Variants in ABCA7 observed in about 807,000 individuals in gnomAD.
ABCA7 encodes the protein ATP binding cassette subfamily A member 7, also known as phospholipid-transporting ATPase ABCA7.
ABCA7 carries 261 observed loss-of-function variants against 227.6 expected under a neutral mutation model. That is an observed-to-expected ratio of 1.15 (90% CI 1.04 to 1.27). The LOEUF (loss-of-function observed/expected upper bound fraction) is 1.27, where lower values mean the gene tolerates loss of function less well. Ranked by LOEUF, ABCA7 falls within the 50% of genes most tolerant of loss-of-function variation. The pLI is 0.00. For missense variants in ABCA7, 3,331 were observed against 2,924.5 expected (o/e 1.14, Z -3.21); for synonymous variants, 1,488 against 1,279.7 (o/e 1.16, Z -3.47).
Position 1,057,073 on chromosome 19 carries a change from C to T in ABCA7, c.4753C>T (p.Leu1585Phe), listed in dbSNP as rs1205099987. ...CACCCTCTACTGGCTTGGCAACTTT[C>T]TCTGGGACATGGTGCGGGGGCTGCT... Reference protein sequence around the residue: ...SPTLYWLGNFLWDMCNYLVPA... With the variant: ...SPTLYWLGNFFWDMCNYLVPA... The change falls in exon 34 of 47, where the codon CTC becomes TTC. Residue 1585 changes from leucine (L) to phenylalanine (F), a missense_variant. Physicochemically the swap from Leu to Phe is conservative, Grantham distance 22. Coordinates refer to ENST00000263094, the MANE Select transcript of ABCA7 (RefSeq NM_019112.4). 1 of 1,612,724 alleles carries T rather than the reference C, an allele frequency of 6.2e-7. No individual in the cohort carries two copies. Among genetic ancestry groups the T allele is most frequent in the Non-Finnish European group, 8.5e-7 (1 of 1,179,640 alleles).
intron 21 of ABCA7, 71 bp from the exon 22 acceptor site, chr19:1,051,871 T>C: frequency 6.4e-7 from 1 of 1,568,232 alleles, no homozygotes; most frequent in South Asian, 1.2e-5. Context: ...AGACAACTCC[T>C]GGCAGAGGCC....
In ABCA7 at chr19:1,056,579, C is replaced by A; in HGVS notation, c.4586+80C>A. 1 of 1,479,062 alleles carries A rather than the reference C, an allele frequency of 6.8e-7. No homozygotes were observed. The highest frequency in any genetic ancestry group is 9.1e-7 in the Non-Finnish European group (1 of 1,097,492). The allele number at this position is 1,479,062 out of a possible 1,614,324, so 91.6% of individuals were successfully genotyped here. A position where few individuals can be genotyped will look rare whatever the true frequency, so the allele number is the denominator to read the frequency against. ...TCTCTGTCGTTTGGGGTGGTGGGAG[C>A]TGGATTTGAACCCTGACACACTCTT... On this transcript the variant is annotated intron_variant, in intron 33 of 46. Transcript: ENST00000263094. This position sits in a 1 kb window ranked among gnomAD's most constrained non-coding sequence, Gnocchi z 4.3.
rs1435920612 is a variant in ABCA7 at position 1,046,845 on chromosome 19, C to T, written c.1666C>T (p.Leu556=). The change falls in exon 14 of 47, where the codon CTG becomes TTG. Residue 556 remains leucine, a synonymous_variant. Coordinates refer to ENST00000263094, the MANE Select transcript of ABCA7 (RefSeq NM_019112.4). ...CCGGTCGCTGCCGCTCTTCCTGACG[C>T]TGGCCTGGATCTACTCCGTGACACT... The part of the protein sequence containing the change: ...LSRSLPLFLT[L]AWIYSVTLTV... 1 of 1,541,754 alleles carries T rather than the reference C, an allele frequency of 6.5e-7. No individual in the cohort carries two copies. The highest frequency in any genetic ancestry group is 2.0e-5 in the Admixed American group (1 of 51,126).
chr19:1,058,449 T>G (rs565414200), intron 37 of ABCA7, among the ~76,000 whole-genome samples, 169 bp from the exon 38 acceptor site: 3 of 152,176 alleles, frequency 2.0e-5, no homozygotes, highest in African/African-American at 7.2e-5. Flanking sequence ...AGCTAATTCT[T>G]AGATTACATC....
rs1357174220 is a variant in ABCA7, at chr19:1,063,877, T to C, written c.5951+14T>C. The C allele has an allele frequency of 7.9e-6, 12 of 1,521,238 alleles. No individual in the cohort carries two copies. The African/African-American group carries it at 1.4e-4, about 17-fold the overall frequency. The allele number at this position is 1,521,238 out of a possible 1,614,324, so 94.2% of individuals were successfully genotyped here. A position where few individuals can be genotyped will look rare whatever the true frequency, so the allele number is the denominator to read the frequency against. The stretch of plus-strand genomic sequence containing the variant: ...CACCTCCCATAGGTGGGCCGGGCTC[T>C]GATGCCCTGGGCTGTGGTTAAGGTG... On this transcript the variant is annotated intron_variant, in intron 44 of 46. Coordinates refer to ENST00000263094, the MANE Select transcript of ABCA7 (RefSeq NM_019112.4).
intron 7 of ABCA7, 62 bp from the exon 8 acceptor site, chr19:1,042,979 C>G (rs2040212011): frequency 6.5e-7 from 1 of 1,541,426 alleles, no homozygotes; most frequent in Non-Finnish European, 8.8e-7. Flanking sequence ...GCCCAGTGCC[C>G]TGCCCTGGTT....
chr19:1,059,614 A>G lies in ABCA7; in HGVS notation c.5463+529A>G, dbSNP rs560408640. On this transcript the variant is annotated intron_variant, in intron 40 of 46. Coordinates refer to ENST00000263094, the MANE Select transcript of ABCA7 (RefSeq NM_019112.4). ...AGTCTCACTCTGTCGCCCAGGCTGGAGTGCAGTGGTGAGATCTCGGCTCAC... is the reference window on the plus strand; with the variant it reads ...AGTCTCACTCTGTCGCCCAGGCTGGGGTGCAGTGGTGAGATCTCGGCTCAC... 2.7e-5 allele frequency among the ~76,000 whole-genome samples: 4 copies of G among 147,386 alleles called. No individual in the cohort carries two copies. The East Asian group carries it at 8.0e-4, about 29-fold the overall frequency.
In ABCA7 at chr19:1,041,326, C is replaced by G; in HGVS notation, c.-36C>G. ...GCACGTCTTCAGCCCGACCGTTGTC[C>G]TGACCTCTCTGTCCCGTCCCCTGCC... On this transcript the variant is annotated 5_prime_UTR_variant, in exon 2 of 47. Transcript: ENST00000263094. 1.2e-6 allele frequency: 2 copies of G among 1,611,528 alleles called. No homozygotes were observed. Among genetic ancestry groups the G allele is most frequent in the Non-Finnish European group, 1.7e-6 (2 of 1,178,060 alleles).
At chr19:1,044,453 G>A (rs1599566106) in intron 10 of ABCA7, 124 bp from the exon 11 acceptor site, 4 of 1,125,116 alleles carry the variant, frequency 3.6e-6, no homozygotes, top group Non-Finnish European at 4.9e-6. Context: ...TCACCATGTT[G>A]GCCAGGCTGG....
Position 1,064,184 on chromosome 19 carries a change from G to T in ABCA7, c.5975G>T (p.Cys1992Phe), listed in dbSNP as rs763488113. Residue 1992 changes from cysteine (C) to phenylalanine (F), a missense_variant, in exon 45 of 47, where the codon TGC becomes TTC. Physicochemically the swap from Cys to Phe is radical, Grantham distance 205. Coordinates refer to ENST00000263094, the MANE Select transcript of ABCA7 (RefSeq NM_019112.4). Reference protein sequence around the residue: ...SHSMEECEALCSRLAIMVNGR... With the variant: ...SHSMEECEALFSRLAIMVNGR... ...AGCATGGAGGAGTGTGAAGCGCTCT[G>T]CTCGCGCCTGGCCATCATGGTGAAT... 9.4e-5 allele frequency: 149 copies of T among 1,578,108 alleles called. No homozygotes were observed. Among genetic ancestry groups the T allele is most frequent in the Non-Finnish European group, 1.2e-4 (137 of 1,163,618 alleles).
chr19:1,043,715 C>A lies in ABCA7; in HGVS notation c.931-10C>A. On this transcript the variant is annotated splice_polypyrimidine_tract_variant and intron_variant, in intron 9 of 46. Transcript: ENST00000263094. Reference sequence around the variant, plus strand: ...GAGAGGGTCATCAGTGGAGGGGGTGCTGTCCACAGGTGAACCGGACCTTCG... The same window carrying A: ...GAGAGGGTCATCAGTGGAGGGGGTGATGTCCACAGGTGAACCGGACCTTCG... The A allele has an allele frequency of 6.2e-7, 1 of 1,608,394 alleles. No individual in the cohort carries two copies. Among genetic ancestry groups the A allele is most frequent in the Non-Finnish European group, 8.5e-7 (1 of 1,179,408 alleles).
Position 1,045,223 on chromosome 19 carries a change from C to T in ABCA7, c.1437C>T (p.Ile479=), listed in dbSNP as rs746538969. Residue 479 remains isoleucine, a synonymous_variant, in exon 12 of 47, where the codon ATC becomes ATT. Transcript: ENST00000263094. ...DIDVVTRTNK[I]RDRFWDPGPA... The stretch of plus-strand genomic sequence containing the variant: ...ACGTGGTCACGAGGACCAATAAGAT[C>T]AGGGACAGGTCAGGCGAGGGAGGGG... 1.2e-6 allele frequency: 2 copies of T among 1,604,538 alleles called. No individual in the cohort carries two copies. Among genetic ancestry groups the T allele is most frequent in the Non-Finnish European group, 1.7e-6 (2 of 1,174,350 alleles).
Position 1,041,663 on chromosome 19 carries a change from G to A in ABCA7, c.160+60G>A, listed in dbSNP as rs879178591. On this transcript the variant is annotated intron_variant, in intron 3 of 46. Transcript: ENST00000263094. ...GTAGGGGAAGGCAGATGGCTCACCCGTGCACAGGAATCCCCCGTGCATGTC... is the reference window on the plus strand; with the variant it reads ...GTAGGGGAAGGCAGATGGCTCACCCATGCACAGGAATCCCCCGTGCATGTC... 1.1e-5 allele frequency: 18 copies of A among 1,577,950 alleles called. No individual in the cohort carries two copies. The South Asian group carries it at 2.0e-4, about 17-fold the overall frequency.
At position 1,058,206 on chromosome 19, in the gene ABCA7, T is replaced by G. The variant is rs1206985118; in HGVS notation, c.5086T>G (p.Leu1696Val). The G allele has an allele frequency of 1.2e-6, 2 of 1,613,446 alleles. No individual in the cohort carries two copies. Among genetic ancestry groups the G allele is most frequent in the Non-Finnish European group, 1.7e-6 (2 of 1,179,914 alleles). Residue 1696 changes from leucine to valine, a missense_variant, in exon 37 of 47, where the codon TTG (leucine) becomes GTG (valine). Physicochemically the swap from Leu to Val is conservative, Grantham distance 32. Coordinates refer to ENST00000263094, the MANE Select transcript of ABCA7 (RefSeq NM_019112.4). ...CTTCCTTATCTTCCCCCACTTCTGCTTGGGCCGGGGGCTCATTGACATGGT... is the reference window on the plus strand; with the variant it reads ...CTTCCTTATCTTCCCCCACTTCTGCGTGGGCCGGGGGCTCATTGACATGGT... ...QVFLIFPHFC[L>V]GRGLIDMVRN...
intron 16 of ABCA7, 141 bp downstream of exon 16, chr19:1,047,795 A>G: frequency 2.3e-6 from 2 of 852,732 alleles, no homozygotes; most frequent in Admixed American, 3.1e-5. Context: ...TGGCACACGC[A>G]TGCAGGTGGC....
chr19:1,049,064 A>C, intron 17 of ABCA7, 59 bp downstream of exon 17: 1 of 983,160 alleles, frequency 1.0e-6, no homozygotes, highest in Non-Finnish European at 1.5e-6. Context: ...CCCCCCCAAA[A>C]CGAGATTCCA....
rs1240757928 is a variant in ABCA7 at position 1,041,239 on chromosome 19, C to G, written c.-123C>G. The G allele has an allele frequency of 3.0e-6, 3 of 1,014,330 alleles. No individual in the cohort carries two copies. The highest frequency in any genetic ancestry group is 4.6e-6 in the Non-Finnish European group (3 of 647,690). The allele number at this position is 1,014,330 out of a possible 1,614,324, so 62.8% of individuals were successfully genotyped here. A position where few individuals can be genotyped will look rare whatever the true frequency, so the allele number is the denominator to read the frequency against. ...GCTCTAATCAGAGCTTCCAGGAACC[C>G]TGCGCTGTGGGATAAAGGAATGAGG... On this transcript the variant is annotated 5_prime_UTR_variant, in exon 2 of 47. Transcript: ENST00000263094.
chr19:1,048,191 TAAA>T (rs35966146), intron 16 of ABCA7, among the ~76,000 whole-genome samples: 33 of 101,436 alleles, frequency 3.3e-4, no homozygotes, highest in Non-Finnish European at 3.7e-4. Flanking sequence ...TCCATCTCTT[TAAA>T]AAAAAAAAAA....
intron 9 of ABCA7, 91 bp from the exon 10 acceptor site, chr19:1,043,634 G>A: frequency 1.3e-6 from 2 of 1,512,644 alleles, no homozygotes; most frequent in East Asian, 2.3e-5. Context: ...AGGATCAGAG[G>A]CACACGCAGG....
Sources: allele counts gnomAD v4.1 joint callset (sites outside exome capture counted in the v4.1 genomes callset), GRCh38; gene constraint gnomAD v4.1.1; non-coding constraint Gnocchi (gnomAD v3.1); transcripts MANE v1.5; gene names NCBI Gene and HGNC (gene_info 2026-07-23, HGNC 2026-07-21).